The following GRIA4 variants were observed in gnomAD, a reference collection of about 807,000 sequenced individuals.
The protein encoded by GRIA4 is glutamate ionotropic receptor AMPA type subunit 4, also known as glutamate receptor 4.
A neutral mutation model predicts 104.0 loss-of-function variants in GRIA4; 34 were observed. The ratio of observed to expected loss-of-function variants is 0.33; its 90% CI spans 0.25 to 0.44. The LOEUF is 0.44. Among genes scored for constraint, GRIA4 ranks in the 20% least tolerant of loss-of-function variants. The pLI is 1.00. For synonymous variants in GRIA4, 386 were observed against 381.9 expected, an observed-to-expected ratio of 1.01 and a Z score of -0.13; for missense variants, 750 against 1,096.5, an observed-to-expected ratio of 0.68 and a Z score of 4.46.
chr11:105,798,607 A>C (rs1942588891), intron 4 of GRIA4, among the ~76,000 whole-genome samples: 1 of 152,182 alleles, frequency 6.6e-6, no homozygotes, highest in East Asian at 1.9e-4. Flanking sequence ...GGACAGAGAC[A>C]CAGAGGCCGA....
chr11:105,967,680 C>T (rs1366935532), intron 14 of GRIA4, among the ~76,000 whole-genome samples: 10 of 142,134 alleles, frequency 7.0e-5, no homozygotes, highest in Admixed American at 6.6e-4. Flanking sequence ...TTTATTTTTT[C>T]CTCCAGGAAT....
chr11:105,896,595 A>G (rs1230778404), intron 6 of GRIA4, among the ~76,000 whole-genome samples: 1 of 152,076 alleles, frequency 6.6e-6, no homozygotes, highest in East Asian at 1.9e-4. Context: ...ATTTTGGTAT[A>G]TGGTGAAAGG....
At chr11:105,801,973 G>A (rs532275406) in intron 4 of GRIA4, among the ~76,000 whole-genome samples, 4 of 152,194 alleles carry the variant, frequency 2.6e-5, no homozygotes, top group African/African-American at 9.6e-5. Flanking sequence ...CAGCATCTGG[G>A]ATGCCAATTT....
At chr11:105,794,237 T>C (rs1565240846) in intron 4 of GRIA4, among the ~76,000 whole-genome samples, 2 of 151,568 alleles carry the variant, frequency 1.3e-5, no homozygotes, top group Admixed American at 6.6e-5. Context: ...TTATTGATCT[T>C]AGAAGAAGAC....
chr11:105,874,683 G>C (rs1945750226), intron 5 of GRIA4, among the ~76,000 whole-genome samples: 1 of 152,126 alleles, frequency 6.6e-6, no homozygotes, highest in Admixed American at 6.6e-5. Flanking sequence ...TGTAGCAATT[G>C]TGAATGGGCG....
At chr11:105,843,706 A>G (rs1419218358) in intron 4 of GRIA4, among the ~76,000 whole-genome samples, 1 of 152,166 alleles carries the variant, frequency 6.6e-6, no homozygotes, top group East Asian at 1.9e-4. Context: ...GTAGTTTCAT[A>G]GGTTTCTGAA....
At chr11:105,736,688 T>C (rs1938970491) in intron 3 of GRIA4, among the ~76,000 whole-genome samples, 1 of 152,100 alleles carries the variant, frequency 6.6e-6, no homozygotes, top group African/African-American at 2.4e-5. Flanking sequence ...AAAATAGATA[T>C]AAATACATTT....
chr11:105,841,931 A>T (rs531246166), intron 4 of GRIA4, among the ~76,000 whole-genome samples: 33 of 152,242 alleles, frequency 2.2e-4, no homozygotes, highest in Non-Finnish European at 4.6e-4. Flanking sequence ...CTCTCATTGA[A>T]TTAATATTTA....
chr11:105,846,614 C>T (rs1394687819), intron 4 of GRIA4, among the ~76,000 whole-genome samples: 2 of 152,004 alleles, frequency 1.3e-5, no homozygotes, highest in Non-Finnish European at 2.9e-5. Flanking sequence ...GCTGATACAA[C>T]AATGATAACT....
intron 4 of GRIA4, among the ~76,000 whole-genome samples, chr11:105,775,981 T>C (rs930424187): frequency 5.9e-5 from 9 of 151,978 alleles, no homozygotes; most frequent in Non-Finnish European, 1.3e-4. Flanking sequence ...ACTAAAAATG[T>C]AATGTAAATA....
intron 4 of GRIA4, among the ~76,000 whole-genome samples, chr11:105,807,107 C>G (rs1443341827): frequency 6.6e-6 from 1 of 151,338 alleles, no homozygotes; most frequent in Non-Finnish European, 1.5e-5. Flanking sequence ...ATGGATGGCT[C>G]AAAACAACAA....
chr11:105,837,325 C>T (rs1944229976), intron 4 of GRIA4, among the ~76,000 whole-genome samples: 1 of 152,090 alleles, frequency 6.6e-6, no homozygotes, highest in South Asian at 2.1e-4. Context: ...ATTAGTGCTT[C>T]CTCATTAGTG....
chr11:105,957,430 G>A (rs1437040581), intron 14 of GRIA4, among the ~76,000 whole-genome samples: 2 of 152,092 alleles, frequency 1.3e-5, no homozygotes, highest in African/African-American at 2.4e-5. Flanking sequence ...TAGATATGCG[G>A]CATTATTTCT....
At chr11:105,662,815 G>C (rs1257024604) in intron 3 of GRIA4, among the ~76,000 whole-genome samples, 1 of 151,812 alleles carries the variant, frequency 6.6e-6, no homozygotes, top group Admixed American at 6.6e-5. Flanking sequence ...GAGACAGTAA[G>C]TTCCCAGGCT....
chr11:105,874,855 G>T (rs1056932108), intron 5 of GRIA4, among the ~76,000 whole-genome samples: 2 of 152,144 alleles, frequency 1.3e-5, no homozygotes. Context: ...CATGTCATCT[G>T]CAAATAGAGA....
chr11:105,807,937 C>G (rs1023972509), intron 4 of GRIA4, among the ~76,000 whole-genome samples: 1 of 151,930 alleles, frequency 6.6e-6, no homozygotes, highest in Admixed American at 6.6e-5. Flanking sequence ...TTACCTTTTA[C>G]TGTTTTCAAT....
intron 14 of GRIA4, among the ~76,000 whole-genome samples, chr11:105,939,491 T>C (rs1031717685): frequency 2.0e-5 from 3 of 152,186 alleles, no homozygotes; most frequent in Non-Finnish European, 4.4e-5. Context: ...TCCCTTTCTA[T>C]TTAATTGGCC....
intron 14 of GRIA4, among the ~76,000 whole-genome samples, chr11:105,970,211 C>A (rs1011534285): frequency 2.6e-5 from 4 of 152,074 alleles, no homozygotes; most frequent in Middle Eastern, 3.4e-3. Context: ...TTCAGTGGAA[C>A]AATGAACCTA....
chr11:105,707,214 G>C (rs890951424), intron 3 of GRIA4: 2 of 154,166 alleles, frequency 1.3e-5, no homozygotes, highest in African/African-American at 4.8e-5. Flanking sequence ...TTAAATATAT[G>C]AAAGAGGCTA....
Sources: gnomAD v4.1 joint callset for allele counts (sites outside exome capture counted in the v4.1 genomes callset) on GRCh38, gnomAD v4.1.1 for gene constraint, MANE v1.5 for transcripts, NCBI Gene and HGNC (gene_info 2026-07-23, HGNC 2026-07-21) for gene names.